CAMK2N1: variants seen among roughly 807,000 people sequenced by gnomAD.
The protein encoded by CAMK2N1 is calcium/calmodulin-dependent protein kinase II inhibitor 1.
CAMK2N1 carries 2 observed loss-of-function variants against 6.4 expected under a neutral mutation model. The observed-to-expected ratio is 0.31, with a 90% CI of 0.13 to 0.98. CAMK2N1 has a LOEUF of 0.98. Ranked by LOEUF, CAMK2N1 falls within the 50% of genes least tolerant of loss-of-function variation. The pLI is 0.51. For synonymous variants in CAMK2N1, 42 were observed against 47.5 expected (o/e 0.88, Z 0.47); for missense variants, 77 against 107.3 (o/e 0.72, Z 1.25).
rs1370424852 is a variant in CAMK2N1 at position 20,484,016 on chromosome 1, CGT to C, written c.167-299_167-298del. Among the ~76,000 whole-genome samples the C allele has an allele frequency of 3.3e-5, 5 of 152,270 alleles. No homozygotes were observed. The highest frequency in any genetic ancestry group is 7.3e-5 in the Non-Finnish European group (5 of 68,050). ...TGCAGCCAGGGCGCGCACTGGCCCG[CGT>C]CCTCCCCGCACCAGGCGCACTAATT... On this transcript the variant is annotated intron_variant, in intron 1 of 1. Coordinates refer to ENST00000375078, the MANE Select transcript of CAMK2N1 (RefSeq NM_018584.6). The surrounding 1 kb of genome is among the most constrained non-coding windows in gnomAD (Gnocchi z 6.8).
In CAMK2N1 at chr1:20,485,130, C is replaced by T; in HGVS notation, c.166+84G>A. Reference sequence around the variant, plus strand: ...GATTCCGTCAGGTCTGAACGGGCTCCAGCGGGTGGGAGACCTCCGCAACCC... The same window carrying T: ...GATTCCGTCAGGTCTGAACGGGCTCTAGCGGGTGGGAGACCTCCGCAACCC... On this transcript the variant is annotated intron_variant, in intron 1 of 1. Transcript: ENST00000375078. The surrounding 1 kb of genome is among the most constrained non-coding windows in gnomAD (Gnocchi z 8.4). 7.0e-7 allele frequency: 1 copy of T among 1,421,440 alleles called. No individual in the cohort carries two copies. Among genetic ancestry groups the T allele is most frequent in the East Asian group, 2.8e-5 (1 of 36,182 alleles). The allele number at this position is 1,421,440 out of a possible 1,614,324, so 88.1% of individuals were successfully genotyped here.
chr1:20,485,405 G>A lies in CAMK2N1; in HGVS notation c.-26C>T. 1 of 1,289,144 alleles carries A rather than the reference G, an allele frequency of 7.8e-7. No homozygotes were observed. The highest frequency in any genetic ancestry group is 9.9e-7 in the Non-Finnish European group (1 of 1,014,426). 79.9% of individuals were successfully genotyped at this position (1,289,144 alleles called of 1,614,324 possible). On this transcript the variant is annotated 5_prime_UTR_variant, in exon 1 of 2. Transcript: ENST00000375078. The surrounding 1 kb of genome is among the most constrained non-coding windows in gnomAD (Gnocchi z 8.4). ...GGTCGCGTCCGGGGGCTCCGCCGCG[G>A]CGCCTCCTCCGCCCGCGTCCCCGCC...
intron 1 of CAMK2N1, 98 bp from the exon 2 acceptor site, chr1:20,483,817 G>T: frequency 9.2e-7 from 1 of 1,084,782 alleles, no homozygotes; most frequent in East Asian, 2.4e-5. Context: ...GTCGGGAGAG[G>T]AGAGGGCGAG....
At position 20,483,631 on chromosome 1, in the gene CAMK2N1, T is replaced by A; in HGVS notation, c.*18A>T. 1 of 1,604,600 alleles carries A rather than the reference T, an allele frequency of 6.2e-7. No homozygotes were observed. The highest frequency in any genetic ancestry group is 8.5e-7 in the Non-Finnish European group (1 of 1,171,426). ...CGCCGTTCTTATTCTCTCCCTTAAC[T>A]CATTGTCTTTGGGGGAGTTAGACAC... On this transcript the variant is annotated 3_prime_UTR_variant, in exon 2 of 2. Coordinates refer to ENST00000375078, the MANE Select transcript of CAMK2N1 (RefSeq NM_018584.6).
At position 20,482,410 on chromosome 1, in the gene CAMK2N1, T is replaced by C. The variant is rs2051475533; in HGVS notation, c.*1239A>G. 1 of 125,666 alleles carries C rather than the reference T, an allele frequency of 8.0e-6. No homozygotes were observed. The highest frequency in any genetic ancestry group is 3.1e-5 in the African/African-American group (1 of 32,644). 7.8% of individuals were successfully genotyped at this position (125,666 alleles called of 1,614,324 possible). The stretch of plus-strand genomic sequence containing the variant: ...GAGGAGTGAGACACAGGAACAATTC[T>C]TTTATTGTACATTGGAGAAATAGCC... On this transcript the variant is annotated 3_prime_UTR_variant, in exon 2 of 2. Transcript: ENST00000375078.
rs1482983734 is a variant in CAMK2N1, at chr1:20,484,012, C to T, written c.167-293G>A. ...CTGCTGCAGCCAGGGCGCGCACTGG[C>T]CCGCGTCCTCCCCGCACCAGGCGCA... On this transcript the variant is annotated intron_variant, in intron 1 of 1. Coordinates refer to ENST00000375078, the MANE Select transcript of CAMK2N1 (RefSeq NM_018584.6). This position sits in a 1 kb window ranked among gnomAD's most constrained non-coding sequence, Gnocchi z 6.8. Among the ~76,000 whole-genome samples, 2 of 152,254 alleles carry T rather than the reference C, an allele frequency of 1.3e-5. No homozygotes were observed. The highest frequency in any genetic ancestry group is 2.9e-5 in the Non-Finnish European group (2 of 68,046).
chr1:20,485,194 C>T lies in CAMK2N1; in HGVS notation c.166+20G>A. 6.3e-7 allele frequency: 1 copy of T among 1,581,640 alleles called. No individual in the cohort carries two copies. The highest frequency in any genetic ancestry group is 8.6e-7 in the Non-Finnish European group (1 of 1,167,644). On this transcript the variant is annotated intron_variant, in intron 1 of 1. Coordinates refer to ENST00000375078, the MANE Select transcript of CAMK2N1 (RefSeq NM_018584.6). This position sits in a 1 kb window ranked among gnomAD's most constrained non-coding sequence, Gnocchi z 8.4. Reference sequence around the variant, plus strand: ...GGCGCGGGAAAAAGGGGGTGTCAGACAAGGGGGCCGCGAACTCACCCCGCT... The same window carrying T: ...GGCGCGGGAAAAAGGGGGTGTCAGATAAGGGGGCCGCGAACTCACCCCGCT...
At chr1:20,483,835 G>A (rs376170232) in intron 1 of CAMK2N1, 116 bp from the exon 2 acceptor site, 1 of 878,268 alleles carries the variant, frequency 1.1e-6, no homozygotes, top group South Asian at 1.4e-5. Context: ...GAGGGAGCAG[G>A]GCTCACTGCG....
chr1:20,485,073 G>A lies in CAMK2N1; in HGVS notation c.166+141C>T, dbSNP rs990400090. The A allele has an allele frequency of 5.3e-5, 52 of 983,968 alleles. No homozygotes were observed. Among genetic ancestry groups the A allele is most frequent in the Admixed American group, 2.1e-4 (6 of 28,886 alleles). The allele number at this position is 983,968 out of a possible 1,614,324, so 61.0% of individuals were successfully genotyped here. ...CCTGCGACCCGCTTCAGCCGGACCC[G>A]CAGTGCGGGATCCCCCAATTCTGCA... On this transcript the variant is annotated intron_variant, in intron 1 of 1. Coordinates refer to ENST00000375078, the MANE Select transcript of CAMK2N1 (RefSeq NM_018584.6). This position sits in a 1 kb window ranked among gnomAD's most constrained non-coding sequence, Gnocchi z 8.4.
intron 1 of CAMK2N1, among the ~76,000 whole-genome samples, chr1:20,483,985 T>C (rs2051489712): frequency 6.6e-6 from 1 of 152,200 alleles, no homozygotes; most frequent in African/African-American, 2.4e-5. Flanking sequence ...ACCCAGCCGC[T>C]CCTGCTGCAG....
In CAMK2N1 at chr1:20,483,355, A is replaced by G. The variant is rs2051483801; in HGVS notation, c.*294T>C. On this transcript the variant is annotated 3_prime_UTR_variant, in exon 2 of 2. Coordinates refer to ENST00000375078, the MANE Select transcript of CAMK2N1 (RefSeq NM_018584.6). ...GATATTAATTTTGACAAATAGCTGC[A>G]ACTGAGACTTCTTTTTATTTCTTTA... is the stretch of plus-strand genomic sequence containing the variant. 1 of 173,666 alleles carries G rather than the reference A, an allele frequency of 5.8e-6. No individual in the cohort carries two copies. The highest frequency in any genetic ancestry group is 1.2e-5 in the Non-Finnish European group (1 of 82,892). The allele number at this position is 173,666 out of a possible 1,614,324, so 10.8% of individuals were successfully genotyped here. A position where few individuals can be genotyped will look rare whatever the true frequency, so the allele number is the denominator to read the frequency against.
chr1:20,482,891 G>GTGTGTGTT lies in CAMK2N1; in HGVS notation c.*757_*758insAACACACA, dbSNP rs753588194. ...TGTGTGTGTGTGTGTGTGTGTGTGT[G>GTGTGTGTT]TTTTTCTGACATAAAAAATGTGTCC... On this transcript the variant is annotated 3_prime_UTR_variant, in exon 2 of 2. Transcript: ENST00000375078. 4.7e-5 allele frequency: 7 copies of GTGTGTGTT among 148,462 alleles called. No individual in the cohort carries two copies. The highest frequency in any genetic ancestry group is 2.0e-4 in the Admixed American group (3 of 14,954). 9.2% of individuals were successfully genotyped at this position (148,462 alleles called of 1,614,324 possible). A position where few individuals can be genotyped will look rare whatever the true frequency, so the allele number is the denominator to read the frequency against.
In CAMK2N1 at chr1:20,485,319, C is replaced by T; in HGVS notation, c.61G>A (p.Val21Met). Reference sequence around the variant, plus strand: ...AGGCGGCAGGAGAAGATCTGGCCCACGTCGCCGCCGTCGCCGTAGGGGCTC... The same window carrying T: ...AGGCGGCAGGAGAAGATCTGGCCCATGTCGCCGCCGTCGCCGTAGGGGCTC... ...KLSPYGDGGD[V>M]GQIFSCRLQD... Residue 21 changes from valine (V) to methionine (M), a missense_variant, in exon 1 of 2, where the codon GTG (valine) becomes ATG (methionine). Coordinates refer to ENST00000375078, the MANE Select transcript of CAMK2N1 (RefSeq NM_018584.6). The surrounding 1 kb of genome is among the most constrained non-coding windows in gnomAD (Gnocchi z 8.4). 1.3e-6 allele frequency: 2 copies of T among 1,579,580 alleles called. No homozygotes were observed. The highest frequency in any genetic ancestry group is 2.7e-5 in the African/African-American group (2 of 73,746).
At position 20,483,540 on chromosome 1, in the gene CAMK2N1, G is replaced by A; in HGVS notation, c.*109C>T. ...GATACAGGTTGTTGATTTCATCGTG[G>A]GTAGCAAGCTAGTAATAAATTTCAA... On this transcript the variant is annotated 3_prime_UTR_variant, in exon 2 of 2. Coordinates refer to ENST00000375078, the MANE Select transcript of CAMK2N1 (RefSeq NM_018584.6). 1.1e-6 allele frequency: 1 copy of A among 940,152 alleles called. No individual in the cohort carries two copies. The highest frequency in any genetic ancestry group is 1.7e-6 in the Non-Finnish European group (1 of 579,382). The allele number at this position is 940,152 out of a possible 1,614,324, so 58.2% of individuals were successfully genotyped here. A position where few individuals can be genotyped will look rare whatever the true frequency, so the allele number is the denominator to read the frequency against.
rs2051505172 is a variant in CAMK2N1, at chr1:20,485,586, C to G, written c.-207G>C. ...GCGGCCCGGAGAGCGCCCGCGGCTG[C>G]GCTGCGCTGCGCTCCGGCTCCGCGC... On this transcript the variant is annotated 5_prime_UTR_variant, in exon 1 of 2. Coordinates refer to ENST00000375078, the MANE Select transcript of CAMK2N1 (RefSeq NM_018584.6). The surrounding 1 kb of genome is among the most constrained non-coding windows in gnomAD (Gnocchi z 8.4). 1 of 157,904 alleles carries G rather than the reference C, an allele frequency of 6.3e-6. No individual in the cohort carries two copies. Among genetic ancestry groups the G allele is most frequent in the South Asian group, 2.0e-4 (1 of 5,108 alleles). The allele number at this position is 157,904 out of a possible 1,614,324, so 9.8% of individuals were successfully genotyped here.
Position 20,485,183 on chromosome 1 carries a change from G to T in CAMK2N1, c.166+31C>A. On this transcript the variant is annotated intron_variant, in intron 1 of 1. Coordinates refer to ENST00000375078, the MANE Select transcript of CAMK2N1 (RefSeq NM_018584.6). The surrounding 1 kb of genome is among the most constrained non-coding windows in gnomAD (Gnocchi z 8.4). Reference sequence around the variant, plus strand: ...GTTCAGGCCGCGGCGCGGGAAAAAGGGGGTGTCAGACAAGGGGGCCGCGAA... The same window carrying T: ...GTTCAGGCCGCGGCGCGGGAAAAAGTGGGTGTCAGACAAGGGGGCCGCGAA... 1.9e-6 allele frequency: 3 copies of T among 1,573,548 alleles called. No homozygotes were observed. The highest frequency in any genetic ancestry group is 1.1e-5 in the South Asian group (1 of 87,458).
Position 20,484,658 on chromosome 1 carries a change from C to G in CAMK2N1, c.166+556G>C, listed in dbSNP as rs2051496062. The G allele has an allele frequency of 6.6e-6, 1 of 152,596 alleles. No homozygotes were observed. The highest frequency in any genetic ancestry group is 2.4e-5 in the African/African-American group (1 of 41,578). The allele number at this position is 152,596 out of a possible 1,614,324, so 9.5% of individuals were successfully genotyped here. ...AGCCGTCGGTCCCCCTCATTGTCCC[C>G]GCGTCTCTGGAGCTCCTCTCGGAGC... is the stretch of plus-strand genomic sequence containing the variant. On this transcript the variant is annotated intron_variant, in intron 1 of 1. Transcript: ENST00000375078. This position sits in a 1 kb window ranked among gnomAD's most constrained non-coding sequence, Gnocchi z 6.8.
At position 20,485,132 on chromosome 1, in the gene CAMK2N1, G is replaced by A; in HGVS notation, c.166+82C>T. On this transcript the variant is annotated intron_variant, in intron 1 of 1. Transcript: ENST00000375078. This position sits in a 1 kb window ranked among gnomAD's most constrained non-coding sequence, Gnocchi z 8.4. ...TTCCGTCAGGTCTGAACGGGCTCCA[G>A]CGGGTGGGAGACCTCCGCAACCCTT... The A allele has an allele frequency of 5.6e-6, 8 of 1,426,130 alleles. No individual in the cohort carries two copies. Among genetic ancestry groups the A allele is most frequent in the Non-Finnish European group, 7.5e-6 (8 of 1,070,456 alleles). The allele number at this position is 1,426,130 out of a possible 1,614,324, so 88.3% of individuals were successfully genotyped here.
rs1212182281 is a variant in CAMK2N1, at chr1:20,484,939, C to T, written c.166+275G>A. On this transcript the variant is annotated intron_variant, in intron 1 of 1. Transcript: ENST00000375078. The surrounding 1 kb of genome is among the most constrained non-coding windows in gnomAD (Gnocchi z 6.8). ...GCGCAAAAGGCGGGGGTGGGGGGCGCAAATCAAAAAGCAAACTTTGCCGCG... is the reference window on the plus strand; with the variant it reads ...GCGCAAAAGGCGGGGGTGGGGGGCGTAAATCAAAAAGCAAACTTTGCCGCG... Among the ~76,000 whole-genome samples the T allele has an allele frequency of 6.6e-6, 1 of 152,108 alleles. No individual in the cohort carries two copies. The highest frequency in any genetic ancestry group is 1.9e-4 in the East Asian group (1 of 5,160).
Sources: gnomAD v4.1 joint callset for allele counts (sites outside exome capture counted in the v4.1 genomes callset) on GRCh38, gnomAD v4.1.1 for gene constraint, Gnocchi (gnomAD v3.1) non-coding constraint, MANE v1.5 for transcripts, NCBI Gene and HGNC (gene_info 2026-07-23, HGNC 2026-07-21) for gene names.